OPCML: variants seen among roughly 807,000 people sequenced by gnomAD.
The protein encoded by OPCML is opioid binding protein/cell adhesion molecule like.
Under a neutral mutation model 37.8 loss-of-function variants are expected in OPCML, and 13 were observed. The ratio of observed to expected loss-of-function variants is 0.34; its 90% confidence interval spans 0.22 to 0.55. The LOEUF is 0.55. OPCML is among the 20% of genes least tolerant of loss of function. The pLI, the probability that OPCML is intolerant of heterozygous loss-of-function variation, is 0.91. For synonymous variants in OPCML, 176 were observed against 168.8 expected (o/e 1.04, Z -0.33); for missense variants, 341 against 435.6 (o/e 0.78, Z 1.93).
intron 1 of OPCML, among the ~76,000 whole-genome samples, chr11:133,017,989 C>T (rs372332557): frequency 2.8e-4 from 42 of 152,280 alleles, no homozygotes; most frequent in South Asian, 2.5e-3. Context: ...TCCTTGGTAG[C>T]GCTCTGGGAG....
In OPCML at chr11:133,274,788, TAGTCA is replaced by T. The variant is rs539046272; in HGVS notation, c.61+257471_61+257475del. ...TCACGAGCTTTTACAAAGAATTAAT[TAGTCA>T]AGTTTAACTGAGTTCTCCCTTGGAA... On this transcript the variant is annotated intron_variant, in intron 1 of 7. Transcript: ENST00000524381. 5.1e-3 allele frequency among the ~76,000 whole-genome samples: 783 copies of T among 152,318 alleles called. 10 individuals carry two copies. The highest frequency in any genetic ancestry group is 3.8e-3 in the Non-Finnish European group (259 of 68,032).
At chr11:133,507,010 C>T (rs915623215) in intron 1 of OPCML, among the ~76,000 whole-genome samples, 1 of 152,248 alleles carries the variant, frequency 6.6e-6, no homozygotes, top group African/African-American at 2.4e-5. Flanking sequence ...TTTATCCCTG[C>T]ATGTGGGTCT....
At chr11:132,517,383 C>G (rs1197246388) in intron 4 of OPCML, among the ~76,000 whole-genome samples, 1 of 152,148 alleles carries the variant, frequency 6.6e-6, no homozygotes, top group Non-Finnish European at 1.5e-5. Context: ...GGTGCTCATC[C>G]AGGAGGGAAG....
At chr11:132,669,877 C>G (rs1942385267) in intron 2 of OPCML, among the ~76,000 whole-genome samples, 1 of 152,172 alleles carries the variant, frequency 6.6e-6, no homozygotes, top group African/African-American at 2.4e-5. Context: ...AGGTATAGCT[C>G]TCACACCTGC....
intron 1 of OPCML, among the ~76,000 whole-genome samples, chr11:133,041,968 T>C (rs539504186): frequency 2.6e-5 from 4 of 152,194 alleles, no homozygotes; most frequent in East Asian, 3.9e-4. Context: ...CAGGGATCAA[T>C]ATCCAGTCCT....
At chr11:132,948,937 C>T (rs576502738) in intron 1 of OPCML, among the ~76,000 whole-genome samples, 22 of 152,258 alleles carry the variant, frequency 1.4e-4, no homozygotes, top group Admixed American at 4.6e-4. Flanking sequence ...AGTTGTATCC[C>T]GATTACAGGG....
At chr11:132,864,190 G>A (rs112756993) in intron 2 of OPCML, among the ~76,000 whole-genome samples, 1,713 of 152,048 alleles carry the variant, frequency 0.011, 26 homozygotes, top group African/African-American at 0.037. Context: ...CACCCTCCTC[G>A]GCCTCTCATA....
chr11:132,967,743 G>A (rs1946246664), intron 1 of OPCML, among the ~76,000 whole-genome samples: 1 of 151,954 alleles, frequency 6.6e-6, no homozygotes, highest in African/African-American at 2.4e-5. Flanking sequence ...TTGCTTTTTT[G>A]TATCAATTTA....
intron 3 of OPCML, among the ~76,000 whole-genome samples, chr11:132,591,940 C>G (rs2096485114): frequency 6.6e-6 from 1 of 152,096 alleles, no homozygotes; most frequent in Non-Finnish European, 1.5e-5. Context: ...GTGTAGCAAT[C>G]AAACGTGATA....
At chr11:133,411,159 C>A (rs535388082) in intron 1 of OPCML, among the ~76,000 whole-genome samples, 1 of 152,102 alleles carries the variant, frequency 6.6e-6, no homozygotes, top group East Asian at 1.9e-4. Context: ...TCACATGGAA[C>A]CAATAGGGTC....
At chr11:133,383,288 T>C (rs1449238234) in intron 1 of OPCML, among the ~76,000 whole-genome samples, 1 of 152,168 alleles carries the variant, frequency 6.6e-6, no homozygotes, top group Non-Finnish European at 1.5e-5. Context: ...TTATTCCAGT[T>C]CCTTCCTATC....
intron 1 of OPCML, among the ~76,000 whole-genome samples, chr11:133,146,922 C>G (rs929107390): frequency 2.6e-5 from 4 of 152,352 alleles, no homozygotes; most frequent in African/African-American, 9.6e-5. Context: ...AATTTATCAG[C>G]TATTCCCCTC....
At chr11:132,679,285 C>T (rs555267086) in intron 2 of OPCML, among the ~76,000 whole-genome samples, 30 of 152,064 alleles carry the variant, frequency 2.0e-4, no homozygotes, top group Admixed American at 1.7e-3. Context: ...CACACAAAAA[C>T]GTATACACAA....
chr11:133,259,761 G>A (rs1319539086), intron 1 of OPCML, among the ~76,000 whole-genome samples: 1 of 152,220 alleles, frequency 6.6e-6, no homozygotes, highest in Non-Finnish European at 1.5e-5. Flanking sequence ...AAGGGCAAAT[G>A]AGGGATACAA....
rs1463711131 is a variant in OPCML, at chr11:132,418,066, T to C, written c.*2127A>G. ...TTGTATGTATGTATATATGTATAGA[T>C]ATCTCTGTGTGTGTTTCCCCATGGC... On this transcript the variant is annotated 3_prime_UTR_variant, in exon 8 of 8. Transcript: ENST00000524381. 6.6e-6 allele frequency: 1 copy of C among 152,222 alleles called. No homozygotes were observed. Among genetic ancestry groups the C allele is most frequent in the African/African-American group, 2.4e-5 (1 of 41,460 alleles). The allele number at this position is 152,222 out of a possible 1,614,324, so 9.4% of individuals were successfully genotyped here. A position where few individuals can be genotyped will look rare whatever the true frequency, so the allele number is the denominator to read the frequency against.
At chr11:133,050,047 A>C (rs1351347450) in intron 1 of OPCML, among the ~76,000 whole-genome samples, 1 of 152,182 alleles carries the variant, frequency 6.6e-6, no homozygotes, top group Non-Finnish European at 1.5e-5. Context: ...ATGACTTAAC[A>C]AGTTGAGAGT....
At chr11:133,498,897 A>G (rs919421626) in intron 1 of OPCML, among the ~76,000 whole-genome samples, 5 of 152,212 alleles carry the variant, frequency 3.3e-5, no homozygotes, top group African/African-American at 1.2e-4. Flanking sequence ...TCTAAGATGG[A>G]ATGATGGCTT....
chr11:132,656,683 T>C (rs1941723570), intron 3 of OPCML, among the ~76,000 whole-genome samples: 1 of 152,204 alleles, frequency 6.6e-6, no homozygotes, highest in African/African-American at 2.4e-5. Flanking sequence ...AACAGTCATG[T>C]CACGTAGTTT....
At chr11:132,925,489 A>T (rs1031823046) in intron 2 of OPCML, among the ~76,000 whole-genome samples, 5 of 152,212 alleles carry the variant, frequency 3.3e-5, no homozygotes, top group African/African-American at 1.2e-4. Flanking sequence ...TGCTGTACCT[A>T]CGCCTTTTCA....
Sources: allele counts gnomAD v4.1 joint callset (sites outside exome capture counted in the v4.1 genomes callset), GRCh38; gene constraint gnomAD v4.1.1; transcripts MANE v1.5; gene names NCBI Gene and HGNC (gene_info 2026-07-23, HGNC 2026-07-21).